AGBL4: variants seen among roughly 807,000 people sequenced by gnomAD.
The protein encoded by AGBL4 is cytosolic carboxypeptidase 6.
AGBL4 carries 58 observed loss-of-function variants against 66.4 expected under a neutral mutation model. The ratio of observed to expected loss-of-function variants is 0.87; its 90% CI spans 0.71 to 1.09. The LOEUF (loss-of-function observed/expected upper bound fraction) is 1.09. Among genes scored for constraint, AGBL4 ranks in the 50% least tolerant of loss-of-function variants. AGBL4 has a pLI of 0.00. For synonymous variants in AGBL4, 234 were observed against 222.9 expected (o/e 1.05, Z -0.44); for missense variants, 579 against 631.0 (o/e 0.92, Z 0.88).
intron 3 of AGBL4, among the ~76,000 whole-genome samples, chr1:49,677,197 A>T (rs1018355077): frequency 6.6e-6 from 1 of 152,022 alleles, no homozygotes; most frequent in Non-Finnish European, 1.5e-5. Flanking sequence ...TGAATGCCTT[A>T]AGGAGAAGAA....
intron 6 of AGBL4, chr1:48,759,473 A>G (rs1354254858): frequency 6.0e-6 from 7 of 1,176,096 alleles, no homozygotes; most frequent in Non-Finnish European, 8.0e-6. Flanking sequence ...AATTTTATAA[A>G]TGGGGTTCCG....
intron 1 of AGBL4, among the ~76,000 whole-genome samples, chr1:49,882,739 G>A (rs141553697): frequency 3.6e-4 from 55 of 152,226 alleles, no homozygotes; most frequent in South Asian, 2.9e-3. Context: ...CATTGATTTT[G>A]TATCCTGAGA....
chr1:48,810,051 C>A (rs1329324376), intron 6 of AGBL4, among the ~76,000 whole-genome samples: 1 of 152,182 alleles, frequency 6.6e-6, no homozygotes, highest in Admixed American at 6.5e-5. Flanking sequence ...TTCAACCACA[C>A]ATCTTAAGAC....
chr1:49,443,083 G>T (rs185685788), intron 3 of AGBL4, among the ~76,000 whole-genome samples: 33 of 152,168 alleles, frequency 2.2e-4, no homozygotes, highest in Admixed American at 5.9e-4. Flanking sequence ...TCTTTTGAGA[G>T]ATGTCTATTC....
chr1:48,874,399 T>G (rs562617915), intron 5 of AGBL4, among the ~76,000 whole-genome samples: 1 of 152,210 alleles, frequency 6.6e-6, no homozygotes, highest in South Asian at 2.1e-4. Flanking sequence ...GCTTCTAATC[T>G]CTCTTACTCC....
intron 5 of AGBL4, among the ~76,000 whole-genome samples, chr1:48,922,835 TTA>T (rs1243657157): frequency 6.6e-6 from 1 of 151,914 alleles, no homozygotes; most frequent in African/African-American, 2.4e-5. Flanking sequence ...AAATCATTGA[TTA>T]AATAATGTCA....
intron 3 of AGBL4, among the ~76,000 whole-genome samples, chr1:49,248,069 C>T (rs1213366818): frequency 6.6e-6 from 1 of 152,120 alleles, no homozygotes; most frequent in Non-Finnish European, 1.5e-5. Flanking sequence ...AGCAACATCG[C>T]TTGTGGTGGA....
intron 1 of AGBL4, among the ~76,000 whole-genome samples, chr1:49,924,522 T>A (rs1004200942): frequency 1.3e-5 from 2 of 152,072 alleles, no homozygotes; most frequent in South Asian, 2.1e-4. Flanking sequence ...TATTTATTTA[T>A]TTGATTGATT....
chr1:48,869,226 C>A (rs555347927), intron 5 of AGBL4, among the ~76,000 whole-genome samples: 1 of 152,300 alleles, frequency 6.6e-6, no homozygotes, highest in East Asian at 1.9e-4. Flanking sequence ...TCTAAGATGT[C>A]ACTAATCTAC....
chr1:49,422,298 T>C (rs1645563075), intron 3 of AGBL4, among the ~76,000 whole-genome samples: 2 of 152,184 alleles, frequency 1.3e-5, no homozygotes, highest in African/African-American at 4.8e-5. Flanking sequence ...GGAATAAAAG[T>C]GCATCAAACT....
At chr1:48,865,758 T>A (rs1647999637) in intron 6 of AGBL4, among the ~76,000 whole-genome samples, 1 of 152,098 alleles carries the variant, frequency 6.6e-6, no homozygotes, top group Admixed American at 6.6e-5. Context: ...CATATCAGGG[T>A]GTGACCTGAT....
chr1:48,853,020 G>A (rs1056421688), intron 6 of AGBL4, among the ~76,000 whole-genome samples: 3 of 152,108 alleles, frequency 2.0e-5, no homozygotes, highest in Admixed American at 2.0e-4. Flanking sequence ...ATAACTAGTA[G>A]GACATTATAG....
chr1:48,933,459 G>T (rs1655199074), intron 5 of AGBL4, among the ~76,000 whole-genome samples: 1 of 152,234 alleles, frequency 6.6e-6, no homozygotes, highest in Admixed American at 6.5e-5. Context: ...GTTGGGATCT[G>T]CTCCCTATAG....
chr1:49,180,139 C>T (rs1273838278), intron 4 of AGBL4, among the ~76,000 whole-genome samples: 1 of 152,072 alleles, frequency 6.6e-6, no homozygotes, highest in East Asian at 1.9e-4. Context: ...CTCAGGTGAT[C>T]CGCCCGCCTC....
chr1:49,261,878 C>T, intron 3 of AGBL4, among the ~76,000 whole-genome samples: 1 of 148,884 alleles, frequency 6.7e-6, no homozygotes. Flanking sequence ...AAGAACAAAG[C>T]TGGAGGCATC....
chr1:49,108,926 A>C (rs1477426495), intron 4 of AGBL4, among the ~76,000 whole-genome samples: 1 of 152,144 alleles, frequency 6.6e-6, no homozygotes, highest in Non-Finnish European at 1.5e-5. Flanking sequence ...CCATGAACTC[A>C]CTGTGTGACC....
chr1:49,925,982 T>C (rs185313115), intron 1 of AGBL4, among the ~76,000 whole-genome samples: 1 of 152,318 alleles, frequency 6.6e-6, no homozygotes, highest in African/African-American at 2.4e-5. Context: ...CACAAGCCTG[T>C]CTGGCTTTGC....
At chr1:49,704,380 G>T (rs1448610564) in intron 2 of AGBL4, among the ~76,000 whole-genome samples, 3 of 151,912 alleles carry the variant, frequency 2.0e-5, no homozygotes, top group Admixed American at 2.0e-4. Flanking sequence ...TAATAAAGAG[G>T]TAAGTATTTT....
At chr1:48,966,910 TG>T (rs1378059327) in intron 5 of AGBL4, among the ~76,000 whole-genome samples, 2 of 152,064 alleles carry the variant, frequency 1.3e-5, no homozygotes, top group Admixed American at 1.3e-4. Flanking sequence ...TCAGGTCACA[TG>T]GTGGGTAAAT....
Sources: allele counts gnomAD v4.1 joint callset (sites outside exome capture counted in the v4.1 genomes callset), GRCh38; gene constraint gnomAD v4.1.1; transcripts MANE v1.5; gene names NCBI Gene and HGNC (gene_info 2026-07-23, HGNC 2026-07-21).